The following ZNF541 variants were observed in gnomAD, a reference collection of about 807,000 sequenced individuals.
ZNF541 encodes zinc finger protein 541.
A neutral mutation model predicts 123.5 loss-of-function variants in ZNF541; 23 were observed. The observed-to-expected ratio is 0.19, with a 90% CI of 0.13 to 0.26. The LOEUF (loss-of-function observed/expected upper bound fraction) is 0.26, where lower values mean the gene tolerates loss of function less well. ZNF541 is among the 10% of genes least tolerant of loss of function. The probability of loss-of-function intolerance (pLI) is 1.00; values close to 1 mark genes in which losing one functional copy is unlikely to be tolerated. For synonymous variants in ZNF541, 751 were observed against 754.5 expected (o/e 1.00, Z 0.08); for missense variants, 1,612 against 1,789.9 (o/e 0.90, Z 1.79).
intron 2 of ZNF541, among the ~76,000 whole-genome samples, chr19:47,571,487 C>T (rs1971476426): frequency 6.6e-6 from 1 of 152,198 alleles, no homozygotes; most frequent in African/African-American, 2.4e-5. Flanking sequence ...GTTTTCTGGC[C>T]TCTTCTCAAA....
At position 47,549,481 on chromosome 19, in the gene ZNF541, C is replaced by T. The variant is rs1381561290; in HGVS notation, c.312G>A (p.Leu104=). The T allele has an allele frequency of 3.2e-6, 5 of 1,551,676 alleles. No individual in the cohort carries two copies. The Admixed American group carries it at 9.8e-5, about 30-fold the overall frequency. ...CTTTAGCCTTAAGCACACCTAGCCC[C>T]AGGTCTAAACAGAGGGAGAAAGCAC... ...DSESQASLQD[L]GLGVLKAKEA... The change falls in exon 4 of 17, where the codon CTG becomes CTA. Residue 104 remains leucine (L), a synonymous_variant. Coordinates refer to ENST00000391901, the MANE Select transcript of ZNF541 (RefSeq NM_001277075.3).
intron 5 of ZNF541, among the ~76,000 whole-genome samples, chr19:47,541,681 A>C (rs1452391917): frequency 2.0e-5 from 3 of 152,214 alleles, no homozygotes; most frequent in Admixed American, 1.3e-4. Context: ...GCCACGGGGA[A>C]ATACAAATCA....
intron 2 of ZNF541, among the ~76,000 whole-genome samples, chr19:47,561,587 T>C (rs964297996): frequency 6.6e-6 from 1 of 152,120 alleles, no homozygotes; most frequent in Admixed American, 6.6e-5. Flanking sequence ...AGCTCTCACC[T>C]CTGGCTGACC....
At chr19:47,522,934 CAG>C (rs1389354394) in intron 14 of ZNF541, among the ~76,000 whole-genome samples, 3 of 151,594 alleles carry the variant, frequency 2.0e-5, no homozygotes, top group Non-Finnish European at 2.9e-5. Flanking sequence ...TTTGTAGAGA[CAG>C]GGTTTCACCA....
chr19:47,540,466 G>C, intron 6 of ZNF541, 131 bp from the exon 7 acceptor site: 1 of 956,722 alleles, frequency 1.0e-6, no homozygotes, highest in Non-Finnish European at 1.5e-6. Context: ...TGGAGATGGA[G>C]TCTCACTCTG....
At chr19:47,529,789 G>A in intron 12 of ZNF541, 137 bp from the exon 13 acceptor site, 2 of 758,590 alleles carry the variant, frequency 2.6e-6, no homozygotes, top group Non-Finnish European at 4.3e-6. Flanking sequence ...AAGTTGCCCT[G>A]GATGGGCCAC....
At chr19:47,555,435 G>T in intron 3 of ZNF541, 115 bp downstream of exon 3, 6 of 929,152 alleles carry the variant, frequency 6.5e-6, no homozygotes, top group African/African-American at 1.7e-5. Flanking sequence ...TGTTCCCTAA[G>T]TCACCTGTAG....
Position 47,521,150 on chromosome 19 carries a change from C to T in ZNF541, c.*74G>A. The T allele has an allele frequency of 2.7e-6, 4 of 1,496,314 alleles. No individual in the cohort carries two copies. Among genetic ancestry groups the T allele is most frequent in the Non-Finnish European group, 2.7e-6 (3 of 1,115,172 alleles). 92.7% of individuals were successfully genotyped at this position (1,496,314 alleles called of 1,614,324 possible). Reference sequence around the variant, plus strand: ...AGGGTGGGGGGAGGCAGAGGGGTGCCCCAAACGCCCTGGAGAGGCCGAAGG... The same window carrying T: ...AGGGTGGGGGGAGGCAGAGGGGTGCTCCAAACGCCCTGGAGAGGCCGAAGG... On this transcript the variant is annotated 3_prime_UTR_variant, in exon 17 of 17. Coordinates refer to ENST00000391901, the MANE Select transcript of ZNF541 (RefSeq NM_001277075.3). This position sits in a 1 kb window ranked among gnomAD's most constrained non-coding sequence, Gnocchi z 4.2.
In ZNF541 at chr19:47,532,991, AAAGGCTC is replaced by A. The variant is rs1157516280; in HGVS notation, c.3095-26_3095-20del. ...ACTTGATCTAGAAAGCACAGAGTGAAAAGGCTCAAGAAGACAGACAGCAGGTAACCGA... is the reference window on the plus strand; with the variant it reads ...ACTTGATCTAGAAAGCACAGAGTGAAAAGAAGACAGACAGCAGGTAACCGA... On this transcript the variant is annotated intron_variant, in intron 9 of 16. Transcript: ENST00000391901. 4.5e-6 allele frequency: 7 copies of A among 1,545,284 alleles called. No homozygotes were observed. Among genetic ancestry groups the A allele is most frequent in the Non-Finnish European group, 1.7e-6 (2 of 1,143,740 alleles).
At position 47,544,565 on chromosome 19, in the gene ZNF541, G is replaced by C. The variant is rs1443124055; in HGVS notation, c.1964C>G (p.Ala655Gly). The change falls in exon 5 of 17, where the codon GCG (alanine) becomes GGG (glycine). Residue 655 changes from alanine (A) to glycine (G), a missense_variant. Physicochemically the swap from Ala to Gly is moderately conservative, Grantham distance 60. Around this residue, in one of 5 missense-constraint regions of ZNF541, gnomAD observed 1,080 missense variants for 1,013.8 expected, o/e 1.07. Transcript: ENST00000391901. ...CGGTGCTGCAAGGGGCGTTGGAACCGCGGCCACTTTCAGTCCCCCCTTTGC... is the reference window on the plus strand; with the variant it reads ...CGGTGCTGCAAGGGGCGTTGGAACCCCGGCCACTTTCAGTCCCCCCTTTGC... ...RDAKGGLKVA[A>G]VPTPLAAPSL... 6.4e-7 allele frequency: 1 copy of C among 1,551,584 alleles called. No homozygotes were observed. The highest frequency in any genetic ancestry group is 2.4e-5 in the East Asian group (1 of 40,900).
chr19:47,532,787 C>T (rs563722747), intron 10 of ZNF541, 122 bp downstream of exon 10: 28 of 778,912 alleles, frequency 3.6e-5, no homozygotes, highest in African/African-American at 1.2e-4. Flanking sequence ...TACCGCTTCA[C>T]GCCTAGGGAG....
rs553093803 is a variant in ZNF541 at position 47,531,740 on chromosome 19, C to T, written c.3307G>A (p.Glu1103Lys). The stretch of plus-strand genomic sequence containing the variant: ...CTGGAGCATGCCACATTGCAGAGCT[C>T]GGTCACTGTTTCCAAGAAGGACATG... ...ISSETQDRVT[E>K]LCNVACSSVM... Residue 1103 changes from glutamate to lysine, a missense_variant, in exon 12 of 17, where the codon GAG (glutamate) becomes AAG (lysine). Physicochemically the swap from Glu to Lys is moderately conservative, Grantham distance 56. Around this residue, in one of 5 missense-constraint regions of ZNF541, gnomAD observed 285 missense variants for 407.3 expected, o/e 0.70. Transcript: ENST00000391901. The T allele has an allele frequency of 1.0e-5, 16 of 1,542,392 alleles. No homozygotes were observed. The highest frequency in any genetic ancestry group is 2.5e-5 in the East Asian group (1 of 40,590).
At chr19:47,546,206 TAAAAAAA>T (rs113946046) in intron 4 of ZNF541, among the ~76,000 whole-genome samples, 1 of 125,738 alleles carries the variant, frequency 8.0e-6, no homozygotes, top group South Asian at 2.6e-4. Context: ...TACAGAAAAG[TAAAAAAA>T]AAAAAAAAAA....
intron 2 of ZNF541, among the ~76,000 whole-genome samples, chr19:47,565,638 C>T (rs1397701642): frequency 2.0e-5 from 3 of 152,062 alleles, no homozygotes; most frequent in Admixed American, 6.6e-5. Flanking sequence ...GAGTGGCAGT[C>T]GGCAAAGTAA....
chr19:47,544,617 C>G lies in ZNF541; in HGVS notation c.1912G>C (p.Ala638Pro). The G allele has an allele frequency of 1.3e-6, 2 of 1,550,826 alleles. No individual in the cohort carries two copies. The highest frequency in any genetic ancestry group is 1.7e-6 in the Non-Finnish European group (2 of 1,146,896). ...TCTCGTCTCGTGCTGCCGGGGGAGG[C>G]CTCTCTGGGAACCCCGGGTGTGGTT... ...RKTTPGVPREASPGSTRRDAK... is the reference protein window; with the variant it reads ...RKTTPGVPREPSPGSTRRDAK... Residue 638 changes from alanine to proline, a missense_variant, in exon 5 of 17, where the codon GCC becomes CCC. Transcript: ENST00000391901.
chr19:47,558,260 C>A (rs1970906688), intron 2 of ZNF541, among the ~76,000 whole-genome samples: 1 of 151,678 alleles, frequency 6.6e-6, no homozygotes, highest in Non-Finnish European at 1.5e-5. Context: ...ATTAAAAATA[C>A]AAAAAATTAG....
At chr19:47,529,421 C>A (rs1305965139) in intron 13 of ZNF541, among the ~76,000 whole-genome samples, 156 bp downstream of exon 13, 1 of 152,172 alleles carries the variant, frequency 6.6e-6, no homozygotes, top group Non-Finnish European at 1.5e-5. Flanking sequence ...GAATGTGGCG[C>A]CCACTGAGTC....
chr19:47,544,645 T>C lies in ZNF541; in HGVS notation c.1884A>G (p.Arg628=). The C allele has an allele frequency of 6.5e-7, 1 of 1,546,998 alleles. No homozygotes were observed. ...CTCTGGGAACCCCGGGTGTGGTTTT[T>C]CTCCTGCGGGCTGGGGAGCCCTCTG... ...PEAEGSPARR[R]KTTPGVPREA... Residue 628 remains arginine (R), a synonymous_variant, in exon 5 of 17, where the codon AGA becomes AGG. Coordinates refer to ENST00000391901, the MANE Select transcript of ZNF541 (RefSeq NM_001277075.3).
At position 47,571,144 on chromosome 19, in the gene ZNF541, G is replaced by C. The variant is rs189461883; in HGVS notation, c.-99+752C>G. Among the ~76,000 whole-genome samples the C allele has an allele frequency of 1.4e-3, 215 of 149,628 alleles. 2 individuals are homozygous for C. The highest frequency in any genetic ancestry group is 5.0e-3 in the African/African-American group (202 of 40,654). ...TTTTTTTTTTTTGAGACGGAGTCTC[G>C]CTCTGTTGCCCAGGTTGGAGTGCAG... On this transcript the variant is annotated intron_variant, in intron 2 of 16. Coordinates refer to ENST00000391901, the MANE Select transcript of ZNF541 (RefSeq NM_001277075.3).
Sources: gnomAD v4.1 joint callset for allele counts (sites outside exome capture counted in the v4.1 genomes callset) on GRCh38, gnomAD v4.1.1 for gene constraint, gnomAD v4.1.1 regional missense constraint, Gnocchi (gnomAD v3.1) non-coding constraint, MANE v1.5 for transcripts, NCBI Gene and HGNC (gene_info 2026-07-23, HGNC 2026-07-21) for gene names.